Variants in QTMAN observed in about 807,000 individuals in gnomAD.
The protein encoded by QTMAN is tRNA-queuosine alpha-mannosyltransferase.
the QTMAN span, among the ~76,000 whole-genome samples, chr2:144,274,311 C>T: frequency 6.6e-6 from 1 of 152,150 alleles, no homozygotes; most frequent in Non-Finnish European, 1.5e-5. Flanking sequence ...ATAGGAGAAT[C>T]TGACACAGTT....
chr2:144,185,678 G>C, the QTMAN span, among the ~76,000 whole-genome samples: 3 of 152,162 alleles, frequency 2.0e-5, no homozygotes, highest in Non-Finnish European at 4.4e-5. Context: ...CTGACGAGAT[G>C]CAACAGGACT....
the QTMAN span, among the ~76,000 whole-genome samples, chr2:144,030,924 GC>G: frequency 6.6e-6 from 1 of 152,152 alleles, no homozygotes; most frequent in Non-Finnish European, 1.5e-5. Flanking sequence ...CGAAGCTGTA[GC>G]CAAGCTAAGA....
At chr2:144,086,312 T>TTTTAATTA in the QTMAN span, among the ~76,000 whole-genome samples, 1 of 152,226 alleles carries the variant, frequency 6.6e-6, no homozygotes, top group East Asian at 1.9e-4. Context: ...ACCAATAATT[T>TTTTAATTA]TTTAATGTTT....
the QTMAN span, among the ~76,000 whole-genome samples, chr2:144,061,064 T>C: frequency 6.6e-6 from 1 of 152,286 alleles, no homozygotes; most frequent in East Asian, 1.9e-4. Context: ...CCTTGTTAAG[T>C]ATGAATATTT....
the QTMAN span, among the ~76,000 whole-genome samples, chr2:143,979,033 T>C: frequency 1.3e-5 from 2 of 152,194 alleles, no homozygotes; most frequent in Non-Finnish European, 2.9e-5. Context: ...GATAGAAAGA[T>C]GTATAATTCT....
chr2:143,976,449 C>A, the QTMAN span, among the ~76,000 whole-genome samples: 1 of 152,224 alleles, frequency 6.6e-6, no homozygotes, highest in African/African-American at 2.4e-5. Context: ...TAGCACTTCA[C>A]TTCCAAATCC....
chr2:144,039,987 T>C, the QTMAN span, among the ~76,000 whole-genome samples: 94 of 152,282 alleles, frequency 6.2e-4, no homozygotes, highest in African/African-American at 2.1e-3. Flanking sequence ...TTAAGAAATA[T>C]GTGTCACTTT....
At chr2:143,965,273 C>T in the QTMAN span, among the ~76,000 whole-genome samples, 2 of 152,070 alleles carry the variant, frequency 1.3e-5, no homozygotes, top group African/African-American at 2.4e-5. Flanking sequence ...TTCATGTCTC[C>T]TATGGATCCA....
At chr2:144,294,154 T>C in the QTMAN span, among the ~76,000 whole-genome samples, 1 of 152,352 alleles carries the variant, frequency 6.6e-6, no homozygotes, top group Middle Eastern at 3.4e-3. Flanking sequence ...TATTTCTTTA[T>C]AATCCCATAA....
the QTMAN span, among the ~76,000 whole-genome samples, chr2:144,147,566 C>T: frequency 2.0e-5 from 3 of 151,696 alleles, no homozygotes; most frequent in Non-Finnish European, 1.5e-5. Context: ...TCCTCCTCTC[C>T]TTCTATTCTT....
At chr2:144,148,464 T>C in the QTMAN span, among the ~76,000 whole-genome samples, 1 of 151,806 alleles carries the variant, frequency 6.6e-6, no homozygotes, top group East Asian at 1.9e-4. Context: ...GGGTAAGTTA[T>C]ACATTTATAA....
the QTMAN span, among the ~76,000 whole-genome samples, chr2:143,985,069 C>A: frequency 2.0e-5 from 3 of 152,248 alleles, no homozygotes; most frequent in East Asian, 5.8e-4. Flanking sequence ...CACATGCCCT[C>A]TGGTGCTCTG....
chr2:144,169,881 T>C, the QTMAN span, among the ~76,000 whole-genome samples: 1 of 152,090 alleles, frequency 6.6e-6, no homozygotes, highest in African/African-American at 2.4e-5. Flanking sequence ...CATTATAGGA[T>C]AATTTGGAAA....
the QTMAN span, among the ~76,000 whole-genome samples, chr2:144,036,252 C>T: frequency 2.6e-5 from 4 of 152,168 alleles, no homozygotes; most frequent in Admixed American, 1.3e-4. Context: ...TGAAATGATA[C>T]TTGGATGAGA....
At chr2:144,138,100 A>T in the QTMAN span, among the ~76,000 whole-genome samples, 1 of 152,084 alleles carries the variant, frequency 6.6e-6, no homozygotes, top group Non-Finnish European at 1.5e-5. Context: ...AAAGGTCAGG[A>T]TGATGATGAG....
chr2:144,044,374 A>G, the QTMAN span, among the ~76,000 whole-genome samples: 1 of 152,156 alleles, frequency 6.6e-6, no homozygotes, highest in Non-Finnish European at 1.5e-5. Context: ...CAGTTGGCTC[A>G]GCCGTCCATC....
chr2:144,013,068 A>T, the QTMAN span, among the ~76,000 whole-genome samples: 1 of 152,172 alleles, frequency 6.6e-6, no homozygotes, highest in Non-Finnish European at 1.5e-5. Flanking sequence ...GGACACATGT[A>T]GATGTTGCAC....
the QTMAN span, among the ~76,000 whole-genome samples, chr2:143,950,507 T>A: frequency 6.6e-6 from 1 of 151,672 alleles, no homozygotes; most frequent in Admixed American, 6.6e-5. Context: ...GGTTAAGCAA[T>A]GTTACAAACT....
At chr2:144,133,283 A>G in the QTMAN span, among the ~76,000 whole-genome samples, 9 of 60,136 alleles carry the variant, frequency 1.5e-4, no homozygotes, top group East Asian at 5.2e-4. Context: ...ATTTATATAT[A>G]CATATATAAA....
Sources: gnomAD v4.1 joint callset for allele counts (sites outside exome capture counted in the v4.1 genomes callset) on GRCh38, gnomAD v4.1.1 for gene constraint, MANE v1.5 for transcripts, NCBI Gene and HGNC (gene_info 2026-07-23, HGNC 2026-07-21) for gene names.